Variants in INPP5A observed in about 807,000 individuals in gnomAD.
INPP5A encodes the protein inositol polyphosphate-5-phosphatase A.
A neutral mutation model predicts 65.2 loss-of-function variants in INPP5A; 14 were observed. The ratio of observed to expected loss-of-function variants is 0.21; its 90% CI spans 0.14 to 0.34. INPP5A has a LOEUF of 0.34. INPP5A is among the 10% of genes least tolerant of loss of function. INPP5A has a pLI of 1.00. For missense variants in INPP5A, 431 were observed against 545.6 expected (o/e 0.79, Z 2.09); for synonymous variants, 207 against 208.3 (o/e 0.99, Z 0.05).
chr10:132,765,890 G>A (rs376786168), intron 12 of INPP5A, 44 bp downstream of exon 12: 1 of 1,189,014 alleles, frequency 8.4e-7, no homozygotes, highest in Non-Finnish European at 1.3e-6. Context: ...CCGGGAAGGT[G>A]GCGTCTCCAC....
chr10:132,589,721 C>T (rs908906210), intron 1 of INPP5A, among the ~76,000 whole-genome samples: 37 of 152,258 alleles, frequency 2.4e-4, no homozygotes, highest in African/African-American at 6.8e-4. Context: ...TCCTCCCAAA[C>T]GGTGTTGTCT....
chr10:132,724,975 G>A (rs927839234), intron 8 of INPP5A, among the ~76,000 whole-genome samples: 2 of 148,122 alleles, frequency 1.4e-5, no homozygotes, highest in African/African-American at 2.5e-5. Context: ...AGGAGCACAC[G>A]CCATATTCAC....
At chr10:132,563,358 C>T (rs994317424) in intron 1 of INPP5A, among the ~76,000 whole-genome samples, 11 of 152,236 alleles carry the variant, frequency 7.2e-5, no homozygotes, top group East Asian at 3.9e-4. Flanking sequence ...CAGCGTCTGC[C>T]GGGTGCTGCG....
chr10:132,760,821 G>A (rs1380148249), intron 11 of INPP5A, among the ~76,000 whole-genome samples: 1 of 152,202 alleles, frequency 6.6e-6, no homozygotes, highest in Admixed American at 6.5e-5. Context: ...TTCCTGAGGG[G>A]AGTTTGAGGA....
chr10:132,720,394 C>T (rs557919558), intron 8 of INPP5A, among the ~76,000 whole-genome samples: 17 of 135,760 alleles, frequency 1.3e-4, no homozygotes, highest in African/African-American at 3.0e-4. Context: ...GCACCTTAGA[C>T]GGCTGTCTTG....
At chr10:132,604,824 G>GA (rs138984028) in intron 1 of INPP5A, among the ~76,000 whole-genome samples, 119 of 152,352 alleles carry the variant, frequency 7.8e-4, no homozygotes, top group African/African-American at 2.7e-3. Context: ...TGTGAGCAGT[G>GA]AAGGCATGGG....
intron 3 of INPP5A, among the ~76,000 whole-genome samples, chr10:132,649,108 G>A (rs1211355024): frequency 2.0e-5 from 3 of 152,184 alleles, no homozygotes; most frequent in Non-Finnish European, 4.4e-5. Context: ...CGCCTCTGTT[G>A]CTGTATTTTT....
intron 1 of INPP5A, among the ~76,000 whole-genome samples, chr10:132,539,718 G>A (rs2070885621): frequency 6.8e-6 from 1 of 147,530 alleles, no homozygotes; most frequent in Non-Finnish European, 1.5e-5. Flanking sequence ...GGTGAACAGT[G>A]GGGCACCGCA....
chr10:132,714,756 GTCT>G (rs1845712108), intron 8 of INPP5A, among the ~76,000 whole-genome samples: 2 of 152,378 alleles, frequency 1.3e-5, no homozygotes, highest in African/African-American at 4.8e-5. Flanking sequence ...CTGAGTTAAA[GTCT>G]TCAGAAGCAG....
intron 1 of INPP5A, among the ~76,000 whole-genome samples, chr10:132,541,070 T>C (rs1170795489): frequency 1.4e-5 from 2 of 146,304 alleles, no homozygotes; most frequent in African/African-American, 5.0e-5. Context: ...CACAACTCAC[T>C]GCAGCCTCGA....
intron 9 of INPP5A, among the ~76,000 whole-genome samples, chr10:132,742,923 T>C (rs1435125918): frequency 6.6e-6 from 1 of 152,242 alleles, no homozygotes; most frequent in Non-Finnish European, 1.5e-5. Context: ...CAGATGTTCC[T>C]ACGAACATCT....
intron 4 of INPP5A, among the ~76,000 whole-genome samples, chr10:132,652,203 A>G (rs1175001473): frequency 6.6e-6 from 1 of 152,120 alleles, no homozygotes; most frequent in Admixed American, 6.5e-5. Flanking sequence ...AAAAAGAAAA[A>G]CACCACTGGG....
At chr10:132,593,641 CT>C (rs1158104715) in intron 1 of INPP5A, among the ~76,000 whole-genome samples, 38 of 152,316 alleles carry the variant, frequency 2.5e-4, no homozygotes, top group African/African-American at 8.9e-4. Context: ...GGTGTGGTTT[CT>C]GTTGACAAGT....
rs886652365 is a variant in INPP5A, at chr10:132,555,141, T to C, written c.75+16970T>C. On this transcript the variant is annotated intron_variant, in intron 1 of 15. Coordinates refer to ENST00000368594, the MANE Select transcript of INPP5A (RefSeq NM_005539.5). This position sits in a 1 kb window ranked among gnomAD's most constrained non-coding sequence, Gnocchi z 4.4. ...GACATAGGTGGTGTGGCTGGCGTGGTTAGTGGGTGGCATAGATGGCATGGT... is the reference window on the plus strand; with the variant it reads ...GACATAGGTGGTGTGGCTGGCGTGGCTAGTGGGTGGCATAGATGGCATGGT... Among the ~76,000 whole-genome samples the C allele has an allele frequency of 4.0e-5, 6 of 150,484 alleles. No homozygotes were observed. Among genetic ancestry groups the C allele is most frequent in the African/African-American group, 1.5e-4 (6 of 40,798 alleles).
intron 1 of INPP5A, among the ~76,000 whole-genome samples, chr10:132,578,491 C>T (rs1330815541): frequency 4.0e-5 from 6 of 149,684 alleles, no homozygotes; most frequent in African/African-American, 1.5e-4. Flanking sequence ...GGAGAGTGTG[C>T]GGGGGCTGGA....
rs184498200 is a variant in INPP5A, at chr10:132,756,133, G to A, written c.903+6288G>A. ...AATCCGCCTGGCCTGGAATTCCTCGGCCCGGTCAGGAATTGAAGAGAAAAG... is the reference window on the plus strand; with the variant it reads ...AATCCGCCTGGCCTGGAATTCCTCGACCCGGTCAGGAATTGAAGAGAAAAG... On this transcript the variant is annotated intron_variant, in intron 11 of 15. Transcript: ENST00000368594. Among the ~76,000 whole-genome samples, 4 of 152,320 alleles carry A rather than the reference G, an allele frequency of 2.6e-5. No homozygotes were observed. The East Asian group carries it at 7.7e-4, about 29-fold the overall frequency.
intron 8 of INPP5A, among the ~76,000 whole-genome samples, chr10:132,720,332 G>A (rs937548651): frequency 4.9e-5 from 7 of 142,618 alleles, no homozygotes; most frequent in Non-Finnish European, 9.1e-5. Flanking sequence ...TCTTTCTGGA[G>A]GCGCCTTAGA....
intron 1 of INPP5A, among the ~76,000 whole-genome samples, chr10:132,541,558 T>C (rs1218188521): frequency 1.3e-5 from 2 of 152,206 alleles, no homozygotes; most frequent in African/African-American, 4.8e-5. Flanking sequence ...AAAGAGTTCT[T>C]GTTTATGTTG....
intron 2 of INPP5A, among the ~76,000 whole-genome samples, chr10:132,623,740 A>C (rs1179554076): frequency 6.6e-6 from 1 of 152,350 alleles, no homozygotes; most frequent in East Asian, 1.9e-4. Flanking sequence ...AATATTTGCA[A>C]ATTACATATT....
Sources: allele counts gnomAD v4.1 joint callset (sites outside exome capture counted in the v4.1 genomes callset), GRCh38; gene constraint gnomAD v4.1.1; non-coding constraint Gnocchi (gnomAD v3.1); transcripts MANE v1.5; gene names NCBI Gene and HGNC (gene_info 2026-07-23, HGNC 2026-07-21).